KLF8: variants seen among roughly 807,000 people sequenced by gnomAD.
KLF8 encodes Krueppel-like factor 8.
Under a neutral mutation model 18.2 loss-of-function variants are expected in KLF8, and 10 were observed. The ratio of observed to expected loss-of-function variants is 0.55; its 90% CI spans 0.34 to 0.93. KLF8 has a LOEUF of 0.93. KLF8 is among the 40% of genes least tolerant of loss of function. KLF8 has a pLI of 0.02. For missense variants in KLF8, 264 were observed against 277.9 expected, an observed-to-expected ratio of 0.95 and a Z score of 0.36; for synonymous variants, 109 against 97.3, an observed-to-expected ratio of 1.12 and a Z score of -0.71.
chrX:56,279,962 T>C lies in KLF8; in HGVS notation c.899-4351T>C, dbSNP rs137953629. 4.3e-3 allele frequency among the ~76,000 whole-genome samples: 480 copies of C among 111,863 alleles called. 2 individuals carry two copies. The highest frequency in any genetic ancestry group is 0.015 in the African/African-American group (468 of 30,805). On this transcript the variant is annotated intron_variant, in intron 5 of 5. Coordinates refer to ENST00000468660, the MANE Select transcript of KLF8 (RefSeq NM_007250.5). Reference sequence around the variant, plus strand: ...TGCCTGATTCATTGCCCTCCAAAGATTGTGATTCATTGTTAAGGGTCCTAG... The same window carrying C: ...TGCCTGATTCATTGCCCTCCAAAGACTGTGATTCATTGTTAAGGGTCCTAG...
At chrX:56,180,336 T>C in the KLF8 span, among the ~76,000 whole-genome samples, 1 of 112,008 alleles carries the variant, frequency 8.9e-6, no homozygotes, top group South Asian at 3.7e-4. Context: ...CCCTTTATCA[T>C]TTTTTGTTGC....
the KLF8 span, among the ~76,000 whole-genome samples, chrX:56,174,138 T>C: frequency 8.9e-6 from 1 of 111,815 alleles, no homozygotes; most frequent in African/African-American, 3.2e-5. Context: ...CTGTATTTAA[T>C]AGGAGTGGTG....
At chrX:56,028,002 G>A in the KLF8 span, among the ~76,000 whole-genome samples, 1 of 112,299 alleles carries the variant, frequency 8.9e-6, no homozygotes, top group Non-Finnish European at 1.9e-5. Flanking sequence ...TGCTAACAGG[G>A]CTGTAGCTGG....
At chrX:56,184,536 G>T in the KLF8 span, among the ~76,000 whole-genome samples, 1 of 112,143 alleles carries the variant, frequency 8.9e-6, no homozygotes, top group Non-Finnish European at 1.9e-5. Flanking sequence ...CTCCCAACAC[G>T]CAGCTGGAGA....
chrX:56,235,200 C>T (rs932420141), intron 1 of KLF8, among the ~76,000 whole-genome samples: 6 of 109,031 alleles, frequency 5.5e-5, no homozygotes, highest in Non-Finnish European at 1.1e-4. Flanking sequence ...GTGCCTGGTG[C>T]GGTGGGGGCA....
At chrX:56,276,612 C>T in intron 5 of KLF8, among the ~76,000 whole-genome samples, 1 of 111,763 alleles carries the variant, frequency 8.9e-6, no homozygotes, top group Middle Eastern at 4.7e-3. Flanking sequence ...TAAAAAGTCT[C>T]GTCAAAGATA....
At chrX:56,217,943 G>A in the KLF8 span, among the ~76,000 whole-genome samples, 1 of 111,015 alleles carries the variant, frequency 9.0e-6, no homozygotes, top group Non-Finnish European at 1.9e-5. Context: ...CTGCAGACCA[G>A]GTGAGAGTGG....
chrX:56,098,055 A>AG, the KLF8 span, among the ~76,000 whole-genome samples: 1 of 111,180 alleles, frequency 9.0e-6, no homozygotes, highest in African/African-American at 3.3e-5. Context: ...CCTAGGAGGT[A>AG]GGGGCTGAGT....
chrX:55,936,182 A>G, the KLF8 span, among the ~76,000 whole-genome samples: 1 of 112,307 alleles, frequency 8.9e-6, no homozygotes, highest in African/African-American at 3.2e-5. Flanking sequence ...TAAATAAATC[A>G]TCTTTTCTTT....
At chrX:55,987,345 C>A in the KLF8 span, among the ~76,000 whole-genome samples, 32 of 110,291 alleles carry the variant, frequency 2.9e-4, no homozygotes, top group Admixed American at 4.8e-4. Flanking sequence ...TGCTATACCT[C>A]CCCCCTCCCC....
At chrX:56,186,728 A>C in the KLF8 span, among the ~76,000 whole-genome samples, 2 of 112,067 alleles carry the variant, frequency 1.8e-5, no homozygotes, top group African/African-American at 3.2e-5. Context: ...AAACTCATTC[A>C]AAACCACTCA....
the KLF8 span, among the ~76,000 whole-genome samples, chrX:56,025,650 C>A: frequency 9.0e-6 from 1 of 111,209 alleles, no homozygotes; most frequent in Admixed American, 9.6e-5. Context: ...GTTTGGGGAC[C>A]CCTCTTTCTT....
chrX:56,144,946 C>A, the KLF8 span, among the ~76,000 whole-genome samples: 1 of 106,585 alleles, frequency 9.4e-6, no homozygotes, highest in Non-Finnish European at 1.9e-5. Flanking sequence ...GCTCAGACCA[C>A]CACACCCGGC....
At chrX:56,213,325 T>C in the KLF8 span, among the ~76,000 whole-genome samples, 1 of 76,744 alleles carries the variant, frequency 1.3e-5, no homozygotes, top group African/African-American at 4.9e-5. Flanking sequence ...TTTTTTTTTT[T>C]TTTTTTTTTT....
At chrX:56,193,640 A>C in the KLF8 span, among the ~76,000 whole-genome samples, 1 of 112,407 alleles carries the variant, frequency 8.9e-6, no homozygotes, top group Non-Finnish European at 1.9e-5. Flanking sequence ...TAGCCATAAA[A>C]AAGATTGAAA....
At chrX:55,910,588 T>A in the KLF8 span, among the ~76,000 whole-genome samples, 1 of 111,630 alleles carries the variant, frequency 9.0e-6, no homozygotes, top group Non-Finnish European at 1.9e-5. Flanking sequence ...GTGCGGGATA[T>A]AAGGTCAGTG....
At chrX:56,059,724 G>T in the KLF8 span, among the ~76,000 whole-genome samples, 2 of 111,214 alleles carry the variant, frequency 1.8e-5, no homozygotes, top group African/African-American at 6.5e-5. Context: ...TATCTGTTTT[G>T]GTACCAGTAC....
chrX:56,167,633 T>C, the KLF8 span, among the ~76,000 whole-genome samples: 6 of 112,103 alleles, frequency 5.4e-5, no homozygotes, highest in Non-Finnish European at 1.9e-5. Flanking sequence ...ACTGGGGAAT[T>C]ACATGATTGT....
At chrX:55,947,455 G>A in the KLF8 span, among the ~76,000 whole-genome samples, 1 of 101,130 alleles carries the variant, frequency 9.9e-6, no homozygotes, top group African/African-American at 3.7e-5. Context: ...CATGGACACA[G>A]GAAGGGGAAC....
Sources: allele counts gnomAD v4.1 joint callset (sites outside exome capture counted in the v4.1 genomes callset), GRCh38; gene constraint gnomAD v4.1.1; transcripts MANE v1.5; gene names NCBI Gene and HGNC (gene_info 2026-07-23, HGNC 2026-07-21).